STX16: variants seen among roughly 807,000 people sequenced by gnomAD.
STX16 encodes the protein syntaxin-16.
Under a neutral mutation model 42.7 loss-of-function variants are expected in STX16, and 28 were observed. The observed-to-expected ratio is 0.66, with a 90% CI of 0.49 to 0.90. The LOEUF is 0.90. STX16 is among the 40% of genes least tolerant of loss of function. STX16 has a pLI of 0.00. For missense variants in STX16, 361 were observed against 420.9 expected (o/e 0.86, Z 1.24); for synonymous variants, 156 against 155.2 (o/e 1.00, Z -0.04).
At chr20:58,671,470 G>A (rs987597302) in intron 7 of STX16, among the ~76,000 whole-genome samples, 173 bp downstream of exon 7, 21 of 98,306 alleles carry the variant, frequency 2.1e-4, no homozygotes, top group Non-Finnish European at 3.4e-4. Flanking sequence ...GTGTGTGTGT[G>A]TGTATATTAA....
Position 58,676,523 on chromosome 20 carries a change from T to C in STX16, c.*232T>C. On this transcript the variant is annotated 3_prime_UTR_variant, in exon 9 of 9. Coordinates refer to ENST00000371141, the MANE Select transcript of STX16 (RefSeq NM_001001433.3). ...AGAATTTAAGGACCTTTGATACTGC[T>C]GCACAATAGAGATTGAGTTCTGGGA... is the stretch of plus-strand genomic sequence containing the variant. The C allele has an allele frequency of 2.1e-6, 1 of 484,874 alleles. No homozygotes were observed. Among genetic ancestry groups the C allele is most frequent in the Non-Finnish European group, 3.6e-6 (1 of 274,134 alleles). 30.0% of individuals were successfully genotyped at this position (484,874 alleles called of 1,614,324 possible). A position where few individuals can be genotyped will look rare whatever the true frequency, so the allele number is the denominator to read the frequency against.
chr20:58,667,701 A>G, intron 3 of STX16, 104 bp downstream of exon 3: 1 of 1,042,218 alleles, frequency 9.6e-7, no homozygotes, highest in Non-Finnish European at 1.5e-6. Context: ...ACTTGAATGT[A>G]TATTTCTAGA....
Position 58,657,714 on chromosome 20 carries a change from A to T in STX16, c.133-1909A>T, listed in dbSNP as rs116927716. Among the ~76,000 whole-genome samples the T allele has an allele frequency of 1.6e-3, 243 of 152,340 alleles. No individual in the cohort carries two copies. Among genetic ancestry groups the T allele is most frequent in the Non-Finnish European group, 2.6e-3 (175 of 68,030 alleles). On this transcript the variant is annotated intron_variant, in intron 1 of 8. Coordinates refer to ENST00000371141, the MANE Select transcript of STX16 (RefSeq NM_001001433.3). The surrounding 1 kb of genome is among the most constrained non-coding windows in gnomAD (Gnocchi z 4.2). ...CTTGATGGTAATTCTAAATGTTTTA[A>T]TTCAGGTCTTGACTAAATTTCCTGG...
chr20:58,667,921 G>A (rs2013473730), intron 3 of STX16, 66 bp from the exon 4 acceptor site: 2 of 1,604,678 alleles, frequency 1.2e-6, no homozygotes, highest in Admixed American at 1.7e-5. Flanking sequence ...TATGCTGAGT[G>A]TAGCTGATGG....
At position 58,671,294 on chromosome 20, in the gene STX16, A is replaced by G. The variant is rs2083962229; in HGVS notation, c.789A>G (p.Glu263=). The change falls in exon 7 of 9, where the codon GAA becomes GAG. Residue 263 remains glutamate, a synonymous_variant. Coordinates refer to ENST00000371141, the MANE Select transcript of STX16 (RefSeq NM_001001433.3). ...IFRDLGAMIV[E]QGTVLDRIDY... is the part of the protein sequence containing the mutation. ...GGGACTTAGGGGCGATGATTGTAGAACAGGTACGTGAGCTGGCCTTCCTCG... is the reference window on the plus strand; with the variant it reads ...GGGACTTAGGGGCGATGATTGTAGAGCAGGTACGTGAGCTGGCCTTCCTCG... 7 of 1,609,148 alleles carry G rather than the reference A, an allele frequency of 4.4e-6. No homozygotes were observed. Among genetic ancestry groups the G allele is most frequent in the Non-Finnish European group, 1.7e-6 (2 of 1,176,720 alleles).
chr20:58,671,472 G>GTGTGTGTA lies in STX16; in HGVS notation c.792+176_792+177insGTGTGTAT, dbSNP rs1158625190. On this transcript the variant is annotated intron_variant, in intron 7 of 8. Transcript: ENST00000371141. ...TGTGTGTGTGTGTGTGTGTGTGTGTGTATATTAATATTAATCAAATATTAA... is the reference window on the plus strand; with the variant it reads ...TGTGTGTGTGTGTGTGTGTGTGTGTGTGTGTGTATATATTAATATTAATCAAATATTAA... Among the ~76,000 whole-genome samples, 11 of 98,124 alleles carry GTGTGTGTA rather than the reference G, an allele frequency of 1.1e-4. 1 individual carries two copies. The South Asian group carries it at 2.9e-3, about 26-fold the overall frequency. The allele number at this position is 98,124 out of a possible 152,430, so 64.4% of individuals were successfully genotyped here.
chr20:58,675,263 T>C (rs1022146984), intron 8 of STX16, among the ~76,000 whole-genome samples: 7 of 152,166 alleles, frequency 4.6e-5, no homozygotes, highest in African/African-American at 1.7e-4. Flanking sequence ...CCGCGGGGGA[T>C]GGAGCAGGAG....
intron 2 of STX16, among the ~76,000 whole-genome samples, chr20:58,661,100 G>A (rs1190657487): frequency 6.6e-6 from 1 of 152,148 alleles, no homozygotes; most frequent in Non-Finnish European, 1.5e-5. Flanking sequence ...GGCGTTCTGA[G>A]TTAAAATAGA....
At chr20:58,652,371 A>ACCCCCCCCCCCCCCCCCCCCCCC (rs11481928) in intron 1 of STX16, 7 of 462,056 alleles carry the variant, frequency 1.5e-5, no homozygotes, top group African/African-American at 5.2e-5. Context: ...CTTCCGCAGC[A>ACCCCCCCCCCCCCCCCCCCCCCC]CCCCCCCCCC....
rs571669333 is a variant in STX16, at chr20:58,678,136, G to C, written c.*1845G>C. On this transcript the variant is annotated 3_prime_UTR_variant, in exon 9 of 9. Coordinates refer to ENST00000371141, the MANE Select transcript of STX16 (RefSeq NM_001001433.3). ...TAGATCTGCTGCTCTTAGGTGTGGGGCTGTCCACATTAGGGAACTTGCCTC... is the reference window on the plus strand; with the variant it reads ...TAGATCTGCTGCTCTTAGGTGTGGGCCTGTCCACATTAGGGAACTTGCCTC... 6.6e-6 allele frequency: 1 copy of C among 152,226 alleles called. No individual in the cohort carries two copies. The highest frequency in any genetic ancestry group is 1.5e-5 in the Non-Finnish European group (1 of 68,042). The allele number at this position is 152,226 out of a possible 1,614,324, so 9.4% of individuals were successfully genotyped here.
At chr20:58,673,091 C>G (rs984683270) in intron 7 of STX16, among the ~76,000 whole-genome samples, 4 of 152,188 alleles carry the variant, frequency 2.6e-5, no homozygotes, top group African/African-American at 9.7e-5. Flanking sequence ...TAAACATCTT[C>G]CCCTTGAGTC....
chr20:58,660,078 C>T (rs1045053069), intron 2 of STX16, among the ~76,000 whole-genome samples: 1 of 152,212 alleles, frequency 6.6e-6, no homozygotes, highest in Non-Finnish European at 1.5e-5. Context: ...TTCCTTGTCA[C>T]TCCTGTCTGG....
At chr20:58,652,371 A>ACCCCCCCCCCCCCCC (rs11481928) in intron 1 of STX16, 53 of 462,050 alleles carry the variant, frequency 1.1e-4, no homozygotes, top group African/African-American at 4.2e-4. Flanking sequence ...CTTCCGCAGC[A>ACCCCCCCCCCCCCCC]CCCCCCCCCC....
Position 58,651,980 on chromosome 20 carries a change from TGAGAGGGGG to T in STX16, c.-25_-17del. ...GGAATATAAGTGGGCGGGGGGCCCC[TGAGAGGGGG>T]GTCGCAAAGGGTGAGACATGGCCAC... is the stretch of plus-strand genomic sequence containing the variant. On this transcript the variant is annotated 5_prime_UTR_variant, in exon 1 of 9. Transcript: ENST00000371141. 6.2e-7 allele frequency: 1 copy of T among 1,612,426 alleles called. No homozygotes were observed. Among genetic ancestry groups the T allele is most frequent in the Non-Finnish European group, 8.5e-7 (1 of 1,178,666 alleles).
Position 58,677,486 on chromosome 20 carries a change from A to G in STX16, c.*1195A>G, listed in dbSNP as rs1488875431. The G allele has an allele frequency of 6.6e-6, 1 of 152,308 alleles. No individual in the cohort carries two copies. Among genetic ancestry groups the G allele is most frequent in the East Asian group, 1.9e-4 (1 of 5,194 alleles). 9.4% of individuals were successfully genotyped at this position (152,308 alleles called of 1,614,324 possible). ...CAAAGTAGGACTTCATCGTTTACCTACCTATTATCAATATGGTGCTTGAAT... is the reference window on the plus strand; with the variant it reads ...CAAAGTAGGACTTCATCGTTTACCTGCCTATTATCAATATGGTGCTTGAAT... On this transcript the variant is annotated 3_prime_UTR_variant, in exon 9 of 9. Coordinates refer to ENST00000371141, the MANE Select transcript of STX16 (RefSeq NM_001001433.3).
At chr20:58,672,455 C>T (rs921596309) in intron 7 of STX16, among the ~76,000 whole-genome samples, 1 of 151,732 alleles carries the variant, frequency 6.6e-6, no homozygotes, top group Non-Finnish European at 1.5e-5. Context: ...ACTTGGGTCC[C>T]ATCCAGAATA....
At chr20:58,660,712 CCT>C (rs1491094049) in intron 2 of STX16, among the ~76,000 whole-genome samples, 9 of 97,720 alleles carry the variant, frequency 9.2e-5, no homozygotes, top group African/African-American at 2.2e-4. Flanking sequence ...GATTCCTGCT[CCT>C]TTTTTTTTTT....
chr20:58,667,913 T>C (rs924461971), intron 3 of STX16, 74 bp from the exon 4 acceptor site: 14 of 1,595,508 alleles, frequency 8.8e-6, no homozygotes, highest in Middle Eastern at 1.7e-4. Context: ...GAATTCTGTA[T>C]GCTGAGTGTA....
chr20:58,666,850 A>G (rs2083846791), intron 2 of STX16, among the ~76,000 whole-genome samples: 1 of 152,356 alleles, frequency 6.6e-6, no homozygotes, highest in Admixed American at 6.5e-5. Context: ...TAACTGAAGA[A>G]AAGAAATGAC....
Sources: gnomAD v4.1 joint callset for allele counts (sites outside exome capture counted in the v4.1 genomes callset) on GRCh38, gnomAD v4.1.1 for gene constraint, Gnocchi (gnomAD v3.1) non-coding constraint, MANE v1.5 for transcripts, NCBI Gene and HGNC (gene_info 2026-07-23, HGNC 2026-07-21) for gene names.